The following APOO variants were observed in gnomAD, a reference collection of about 807,000 sequenced individuals.
The protein encoded by APOO is MICOS complex subunit MIC26.
In APOO, 11 loss-of-function variants were observed where a neutral mutation model predicts 23.1. The observed-to-expected ratio is 0.48, with a 90% confidence interval of 0.30 to 0.79. The LOEUF (loss-of-function observed/expected upper bound fraction) is 0.79, where lower values mean the gene tolerates loss of function less well. APOO is among the 30% of genes least tolerant of loss of function. The pLI, the probability that APOO is intolerant of heterozygous loss-of-function variation, is 0.07. For synonymous variants in APOO, 59 were observed against 54.8 expected (o/e 1.08, Z -0.34); for missense variants, 160 against 142.7 (o/e 1.12, Z -0.62).
chrX:23,886,080 A>T (rs1282669949), intron 1 of APOO, among the ~76,000 whole-genome samples: 2 of 111,253 alleles, frequency 1.8e-5, no homozygotes, highest in Non-Finnish European at 3.8e-5. Flanking sequence ...GCCTCTACCC[A>T]CTAGATGCCA....
chrX:23,867,040 C>A (rs1294444091), intron 5 of APOO, among the ~76,000 whole-genome samples: 2 of 110,129 alleles, frequency 1.8e-5, no homozygotes, highest in African/African-American at 6.6e-5. Flanking sequence ...GCGGAGGGTG[C>A]AGTGAGCCGA....
At chrX:23,869,563 G>C (rs1429188426) in intron 4 of APOO, among the ~76,000 whole-genome samples, 2 of 102,137 alleles carry the variant, frequency 2.0e-5, no homozygotes, top group Admixed American at 2.2e-4. Context: ...GCTGCGGTGA[G>C]CTAGGATTGA....
At chrX:23,861,072 CAAGGCTACTG>C (rs1225787067) in intron 5 of APOO, among the ~76,000 whole-genome samples, 2 of 110,869 alleles carry the variant, frequency 1.8e-5, no homozygotes, top group African/African-American at 6.5e-5. Flanking sequence ...CCCAGGAGTT[CAAGGCTACTG>C]TGAGCTGTGT....
At chrX:23,852,629 A>T (rs1402905605) in intron 7 of APOO, among the ~76,000 whole-genome samples, 1 of 107,678 alleles carries the variant, frequency 9.3e-6, no homozygotes, top group Admixed American at 1.0e-4. Flanking sequence ...AAAAAAAAAT[A>T]TGAATTAGAT....
intron 2 of APOO, 151 bp downstream of exon 2, chrX:23,880,694 G>A (rs758450769): frequency 2.9e-4 from 46 of 158,292 alleles, no homozygotes; most frequent in African/African-American, 1.8e-3. Context: ...GCGAAACTCC[G>A]TCTCAAAATA....
intron 1 of APOO, among the ~76,000 whole-genome samples, chrX:23,889,917 T>C (rs1488522983): frequency 1.8e-5 from 2 of 110,185 alleles, no homozygotes; most frequent in Non-Finnish European, 3.8e-5. Flanking sequence ...CACCTCGGCC[T>C]CCCAAAGTGC....
chrX:23,873,418 C>T (rs902931799), intron 4 of APOO, among the ~76,000 whole-genome samples: 2 of 111,072 alleles, frequency 1.8e-5, no homozygotes, highest in African/African-American at 6.5e-5. Flanking sequence ...ACCAGCCCGG[C>T]TAACAAGGTG....
intron 5 of APOO, among the ~76,000 whole-genome samples, chrX:23,865,369 T>G (rs1925287705): frequency 9.0e-6 from 1 of 110,687 alleles, no homozygotes; most frequent in African/African-American, 3.3e-5. Flanking sequence ...TTTGGGAGGC[T>G]GAGGTGGGAG....
At chrX:23,872,251 A>G (rs1463889090) in intron 4 of APOO, among the ~76,000 whole-genome samples, 1 of 110,884 alleles carries the variant, frequency 9.0e-6, no homozygotes, top group Non-Finnish European at 1.9e-5. Flanking sequence ...CAAAAAGTGG[A>G]AAAAATGTGA....
At chrX:23,889,535 T>C (rs774679448) in intron 1 of APOO, among the ~76,000 whole-genome samples, 3 of 111,162 alleles carry the variant, frequency 2.7e-5, no homozygotes, top group African/African-American at 9.8e-5. Context: ...GTGACTCTTT[T>C]CTCCCACAAT....
intron 5 of APOO, 53 bp downstream of exon 5, chrX:23,868,540 T>C: frequency 2.0e-6 from 2 of 1,004,757 alleles, no homozygotes; most frequent in Non-Finnish European, 1.4e-6. Flanking sequence ...ATGAAACATA[T>C]ATTCTATCTC....
Position 23,907,855 on chromosome X carries a change from G to A in APOO, c.-153C>T. 1 of 592,949 alleles carries A rather than the reference G, an allele frequency of 1.7e-6. No individual in the cohort carries two copies. The highest frequency in any genetic ancestry group is 2.3e-5 in the African/African-American group (1 of 42,921). 48.9% of individuals were successfully genotyped at this position (592,949 alleles called of 1,213,427 possible). Reference sequence around the variant, plus strand: ...GGCCGTACTGCAAACTCGGTGCGGCGAAGGTTTAGTTCAATCACCCGGTTC... The same window carrying A: ...GGCCGTACTGCAAACTCGGTGCGGCAAAGGTTTAGTTCAATCACCCGGTTC... On this transcript the variant is annotated 5_prime_UTR_variant, in exon 1 of 9. Transcript: ENST00000379226.
chrX:23,889,740 G>A (rs1926550804), intron 1 of APOO, among the ~76,000 whole-genome samples: 1 of 100,288 alleles, frequency 1.0e-5, no homozygotes, highest in Non-Finnish European at 2.0e-5. Flanking sequence ...TTGGCTCACT[G>A]CAAGCTCCGC....
At chrX:23,859,828 C>G (rs1375496939) in intron 5 of APOO, among the ~76,000 whole-genome samples, 1 of 111,334 alleles carries the variant, frequency 9.0e-6, no homozygotes, top group African/African-American at 3.3e-5. Flanking sequence ...CAAGTGTTTT[C>G]AAAAGAACAC....
chrX:23,858,559 C>A (rs937805882), intron 6 of APOO, 83 bp downstream of exon 6: 78 of 965,917 alleles, frequency 8.1e-5, no homozygotes, highest in Admixed American at 7.4e-4. Flanking sequence ...ATAAGAACTG[C>A]AAAATAAAAT....
In APOO at chrX:23,856,477, T is replaced by C; in HGVS notation, c.481-95A>G. On this transcript the variant is annotated intron_variant, in intron 6 of 8. Transcript: ENST00000379226. Reference sequence around the variant, plus strand: ...TATAAATCATTTTACTATAAAGATATATGCATGCATATGTTCATCATAGCA... The same window carrying C: ...TATAAATCATTTTACTATAAAGATACATGCATGCATATGTTCATCATAGCA... 4.7e-6 allele frequency: 3 copies of C among 644,675 alleles called. No individual in the cohort carries two copies. The South Asian group carries it at 7.8e-5, about 17-fold the overall frequency. The allele number at this position is 644,675 out of a possible 1,213,427, so 53.1% of individuals were successfully genotyped here.
chrX:23,846,569 C>T (rs934239417), intron 7 of APOO, among the ~76,000 whole-genome samples: 2 of 99,371 alleles, frequency 2.0e-5, no homozygotes, highest in African/African-American at 3.8e-5. Flanking sequence ...TTGCAGTGAA[C>T]GCGATCGCAC....
intron 1 of APOO, among the ~76,000 whole-genome samples, chrX:23,895,418 C>T (rs999140786): frequency 1.8e-5 from 2 of 111,499 alleles, no homozygotes; most frequent in African/African-American, 6.5e-5. Flanking sequence ...CCAAACATCA[C>T]ATGTTCTCAC....
At chrX:23,834,117 G>A (rs780135165) in intron 8 of APOO, among the ~76,000 whole-genome samples, 1 of 108,839 alleles carries the variant, frequency 9.2e-6, no homozygotes, top group South Asian at 4.0e-4. Flanking sequence ...CAGAAAGGTC[G>A]AGTGTGGTGG....
Sources: allele counts gnomAD v4.1 joint callset (sites outside exome capture counted in the v4.1 genomes callset), GRCh38; gene constraint gnomAD v4.1.1; transcripts MANE v1.5; gene names NCBI Gene and HGNC (gene_info 2026-07-23, HGNC 2026-07-21).